Variants in UBE2E1 observed in about 807,000 individuals in gnomAD.
The protein encoded by UBE2E1 is ubiquitin-conjugating enzyme E2 E1.
In UBE2E1, 6 loss-of-function variants were observed where a neutral mutation model predicts 21.4. The observed-to-expected ratio is 0.28, with a 90% confidence interval of 0.15 to 0.55. UBE2E1 has a LOEUF of 0.55. Among genes scored for constraint, UBE2E1 ranks in the 20% least tolerant of loss-of-function variants. The pLI is 0.93. For missense variants in UBE2E1, 142 were observed against 236.5 expected (o/e 0.60, Z 2.62); for synonymous variants, 87 against 82.7 (o/e 1.05, Z -0.28).
intron 3 of UBE2E1, among the ~76,000 whole-genome samples, chr3:23,883,723 C>T (rs1264453368): frequency 6.6e-6 from 1 of 151,938 alleles, no homozygotes; most frequent in African/African-American, 2.4e-5. Context: ...TGAGACCGGT[C>T]TAGCCAATAT....
At chr3:23,889,596 G>T in intron 5 of UBE2E1, 2 of 984,960 alleles carry the variant, frequency 2.0e-6, no homozygotes, top group Non-Finnish European at 2.4e-6. Context: ...TCTAAATGTC[G>T]AGTCATCTGC....
At chr3:23,837,352 G>A (rs1296426771) in intron 3 of UBE2E1, among the ~76,000 whole-genome samples, 1 of 152,220 alleles carries the variant, frequency 6.6e-6, no homozygotes, top group African/African-American at 2.4e-5. Flanking sequence ...TTTAGGACCT[G>A]AGCCAGGGAG....
intron 3 of UBE2E1, among the ~76,000 whole-genome samples, chr3:23,886,499 A>G (rs1041047288): frequency 6.6e-6 from 1 of 152,044 alleles, no homozygotes; most frequent in African/African-American, 2.4e-5. Context: ...TTCTTCCCCA[A>G]CTTGTATTCT....
Position 23,887,919 on chromosome 3 carries a change from A to T in UBE2E1, c.336+220A>T. 1 of 566,860 alleles carries T rather than the reference A, an allele frequency of 1.8e-6. No individual in the cohort carries two copies. Among genetic ancestry groups the T allele is most frequent in the African/African-American group, 1.9e-5 (1 of 53,254 alleles). 35.1% of individuals were successfully genotyped at this position (566,860 alleles called of 1,614,324 possible). ...GTGCTTTGTTTTGATGGTGCTTAAA[A>T]TTGTGCTATTTATAGTAATATTGTC... is the stretch of plus-strand genomic sequence containing the variant. On this transcript the variant is annotated intron_variant, in intron 4 of 5. Transcript: ENST00000306627. The surrounding 1 kb of genome is among the most constrained non-coding windows in gnomAD (Gnocchi z 4.4).
Position 23,823,404 on chromosome 3 carries a change from G to C in UBE2E1, c.203+11894G>C, listed in dbSNP as rs533513275. Among the ~76,000 whole-genome samples the C allele has an allele frequency of 6.6e-5, 10 of 152,310 alleles. No homozygotes were observed. Among genetic ancestry groups the C allele is most frequent in the African/African-American group, 2.4e-4 (10 of 41,560 alleles). ...TGGAATCACAAAAGCATTAGGTGCT[G>C]AACTGCCAGAGACAAGCAACAAATA... On this transcript the variant is annotated intron_variant, in intron 3 of 5. Coordinates refer to ENST00000306627, the MANE Select transcript of UBE2E1 (RefSeq NM_003341.5). This position sits in a 1 kb window ranked among gnomAD's most constrained non-coding sequence, Gnocchi z 4.2.
chr3:23,869,039 C>G (rs1453564212), intron 3 of UBE2E1, among the ~76,000 whole-genome samples: 1 of 152,090 alleles, frequency 6.6e-6, no homozygotes, highest in Non-Finnish European at 1.5e-5. Flanking sequence ...CCAAAATATC[C>G]TTATACTATA....
chr3:23,856,048 T>C (rs1434331429), intron 3 of UBE2E1, among the ~76,000 whole-genome samples: 3 of 152,120 alleles, frequency 2.0e-5, no homozygotes, highest in African/African-American at 7.2e-5. Context: ...TTTTCTTTTT[T>C]TGAGACAGAG....
At chr3:23,839,402 T>A (rs1700038075) in intron 3 of UBE2E1, among the ~76,000 whole-genome samples, 1 of 151,924 alleles carries the variant, frequency 6.6e-6, no homozygotes, top group African/African-American at 2.4e-5. Flanking sequence ...AGGCAGAGGT[T>A]GCAGTGAGCC....
chr3:23,840,555 G>T (rs553993565), intron 3 of UBE2E1, among the ~76,000 whole-genome samples: 6 of 152,274 alleles, frequency 3.9e-5, no homozygotes, highest in African/African-American at 1.4e-4. Context: ...ATTCACTGAG[G>T]CATCACCATT....
chr3:23,850,525 TTA>T (rs1176905518), intron 3 of UBE2E1, among the ~76,000 whole-genome samples: 1 of 136,200 alleles, frequency 7.3e-6, no homozygotes, highest in Non-Finnish European at 1.6e-5. Flanking sequence ...ATTATTATTA[TTA>T]TTTTTTTTTG....
At chr3:23,855,833 A>G (rs1420742490) in intron 3 of UBE2E1, among the ~76,000 whole-genome samples, 1 of 152,054 alleles carries the variant, frequency 6.6e-6, no homozygotes, top group Non-Finnish European at 1.5e-5. Flanking sequence ...CCGTCTCAAA[A>G]AAATAAAAAT....
intron 3 of UBE2E1, among the ~76,000 whole-genome samples, chr3:23,815,469 T>C (rs1699495856): frequency 6.6e-6 from 1 of 152,258 alleles, no homozygotes; most frequent in South Asian, 2.1e-4. Flanking sequence ...TGATGACCTC[T>C]TCTGATCCTG....
At chr3:23,859,344 G>A (rs1206225485) in intron 3 of UBE2E1, among the ~76,000 whole-genome samples, 1 of 152,168 alleles carries the variant, frequency 6.6e-6, no homozygotes, top group African/African-American at 2.4e-5. Flanking sequence ...GGAGGTATGA[G>A]GCATGGAAAT....
rs985306158 is a variant in UBE2E1, at chr3:23,816,816, T to C, written c.203+5306T>C. ...TAGGCAAACTCATAAGGACAGACAGTAGATTAGAGGTTTTCAGGGACTGAG... is the reference window on the plus strand; with the variant it reads ...TAGGCAAACTCATAAGGACAGACAGCAGATTAGAGGTTTTCAGGGACTGAG... On this transcript the variant is annotated intron_variant, in intron 3 of 5. Coordinates refer to ENST00000306627, the MANE Select transcript of UBE2E1 (RefSeq NM_003341.5). This position sits in a 1 kb window ranked among gnomAD's most constrained non-coding sequence, Gnocchi z 4.8. Among the ~76,000 whole-genome samples the C allele has an allele frequency of 1.5e-4, 23 of 151,962 alleles. No homozygotes were observed. Among genetic ancestry groups the C allele is most frequent in the Non-Finnish European group, 2.9e-5 (2 of 67,990 alleles).
chr3:23,863,501 C>G lies in UBE2E1; in HGVS notation c.204-24066C>G, dbSNP rs912714872. Among the ~76,000 whole-genome samples, 2 of 152,106 alleles carry G rather than the reference C, an allele frequency of 1.3e-5. No individual in the cohort carries two copies. The highest frequency in any genetic ancestry group is 4.8e-5 in the African/African-American group (2 of 41,412). ...TATCTAAAAGTCCTCAAAAGACATT[C>G]AGATGCATAGGTTTTATATAAATTT... On this transcript the variant is annotated intron_variant, in intron 3 of 5. Transcript: ENST00000306627. This position sits in a 1 kb window ranked among gnomAD's most constrained non-coding sequence, Gnocchi z 4.3.
rs1699275588 is a variant in UBE2E1, at chr3:23,806,569, C to G, written c.-34+481C>G. ...CAGGAGTGGCGATCGGGCGTGTGCT[C>G]CGGACCCCCGCCCGGCCGCATAGCT... On this transcript the variant is annotated intron_variant, in intron 1 of 5. Coordinates refer to ENST00000306627, the MANE Select transcript of UBE2E1 (RefSeq NM_003341.5). This position sits in a 1 kb window ranked among gnomAD's most constrained non-coding sequence, Gnocchi z 6.5. Among the ~76,000 whole-genome samples the G allele has an allele frequency of 1.3e-5, 2 of 151,482 alleles. No homozygotes were observed. The highest frequency in any genetic ancestry group is 2.4e-5 in the African/African-American group (1 of 41,380).
chr3:23,882,605 A>G (rs571701994), intron 3 of UBE2E1, among the ~76,000 whole-genome samples: 1 of 150,724 alleles, frequency 6.6e-6, no homozygotes, highest in Non-Finnish European at 1.5e-5. Context: ...GGGGAGGCTC[A>G]GGCCACGTGG....
intron 3 of UBE2E1, among the ~76,000 whole-genome samples, chr3:23,885,308 T>TA (rs1182127813): frequency 6.6e-6 from 1 of 152,160 alleles, no homozygotes; most frequent in Non-Finnish European, 1.5e-5. Context: ...GATTTCAACA[T>TA]AAAAGTTTCG....
At position 23,807,229 on chromosome 3, in the gene UBE2E1, C is replaced by T. The variant is rs1455061303; in HGVS notation, c.-33-8C>T. 1.3e-6 allele frequency: 2 copies of T among 1,590,460 alleles called. No homozygotes were observed. The highest frequency in any genetic ancestry group is 2.2e-5 in the East Asian group (1 of 44,616). On this transcript the variant is annotated splice_polypyrimidine_tract_variant and splice_region_variant and intron_variant, in intron 1 of 5. Coordinates refer to ENST00000306627, the MANE Select transcript of UBE2E1 (RefSeq NM_003341.5). Reference sequence around the variant, plus strand: ...GTGTGTTTCTGTTTTGTTTCTCTCCCCCTGCAGGGGCTGTTTGCGGGGTGG... The same window carrying T: ...GTGTGTTTCTGTTTTGTTTCTCTCCTCCTGCAGGGGCTGTTTGCGGGGTGG...
Sources: gnomAD v4.1 joint callset for allele counts (sites outside exome capture counted in the v4.1 genomes callset) on GRCh38, gnomAD v4.1.1 for gene constraint, Gnocchi (gnomAD v3.1) non-coding constraint, MANE v1.5 for transcripts, NCBI Gene and HGNC (gene_info 2026-07-23, HGNC 2026-07-21) for gene names.